The following KDM1A variants were observed in gnomAD, a reference collection of about 807,000 sequenced individuals.
The protein encoded by KDM1A is lysine-specific histone demethylase 1A.
KDM1A carries 49 observed loss-of-function variants against 109.4 expected under a neutral mutation model. The observed-to-expected ratio is 0.45, with a 90% confidence interval of 0.36 to 0.57. The LOEUF (loss-of-function observed/expected upper bound fraction) is 0.57. Ranked by LOEUF, KDM1A falls within the 20% of genes least tolerant of loss-of-function variation. KDM1A has a pLI of 0.00. For synonymous variants in KDM1A, 380 were observed against 415.4 expected, an observed-to-expected ratio of 0.91 and a Z score of 1.04; for missense variants, 668 against 1,116.6, an observed-to-expected ratio of 0.60 and a Z score of 5.73.
chr1:23,049,026 C>T (rs560010871), intron 3 of KDM1A, among the ~76,000 whole-genome samples: 22 of 151,860 alleles, frequency 1.4e-4, no homozygotes, highest in African/African-American at 5.1e-4. Context: ...GTGGTGCATG[C>T]CTGTAGTCCC....
chr1:23,081,183 G>C, intron 18 of KDM1A: 1 of 394,128 alleles, frequency 2.5e-6, no homozygotes, highest in Non-Finnish European at 4.6e-6. Context: ...CTTCAGAACT[G>C]CTGTATTTTG....
chr1:23,041,435 C>CTTTTTTTTTTTTTTTTTTTTTTTTTT (rs66720696), intron 2 of KDM1A, among the ~76,000 whole-genome samples: 1 of 53,006 alleles, frequency 1.9e-5, no homozygotes, highest in Non-Finnish European at 3.2e-5. Flanking sequence ...TCTTTTCTTG[C>CTTTTTTTTTTTTTTTTTTTTTTTTTT]TTTTTTTTTT....
intron 1 of KDM1A, among the ~76,000 whole-genome samples, chr1:23,028,078 A>C (rs1372952922): frequency 6.6e-6 from 1 of 152,080 alleles, no homozygotes; most frequent in Non-Finnish European, 1.5e-5. Context: ...ATTCCTTGTT[A>C]ATTATTTCTT....
chr1:23,045,172 C>T (rs998668244), intron 3 of KDM1A, among the ~76,000 whole-genome samples: 3 of 152,196 alleles, frequency 2.0e-5, no homozygotes, highest in Non-Finnish European at 4.4e-5. Context: ...AATAACGTAT[C>T]TGGATTTCAT....
At chr1:23,025,402 C>T (rs1003433535) in intron 1 of KDM1A, among the ~76,000 whole-genome samples, 2 of 149,408 alleles carry the variant, frequency 1.3e-5, no homozygotes, top group African/African-American at 2.5e-5. Flanking sequence ...GTGATCTTGG[C>T]TCATTGCAAC....
chr1:23,081,996 G>GTGGTC, intron 19 of KDM1A: 1 of 512,974 alleles, frequency 1.9e-6, no homozygotes, highest in African/African-American at 2.0e-5. Flanking sequence ...GTAGATCTCT[G>GTGGTC]GATTCATAGA....
chr1:23,038,254 TTGTGTGTGTGTGTGTGTG>T lies in KDM1A; in HGVS notation c.518-6153_518-6136del, dbSNP rs56016343. Among the ~76,000 whole-genome samples the T allele has an allele frequency of 3.4e-5, 5 of 149,208 alleles. No individual in the cohort carries two copies. The East Asian group carries it at 5.9e-4, about 18-fold the overall frequency. On this transcript the variant is annotated intron_variant, in intron 2 of 20. Coordinates refer to ENST00000400181, the MANE Select transcript of KDM1A (RefSeq NM_001009999.3). Reference sequence around the variant, plus strand: ...TAACTTTTTAAGCATCTGGAACTGTTTGTGTGTGTGTGTGTGTGTGTGTGTGTGTGTGTGTGTAAAACT... The same window carrying T: ...TAACTTTTTAAGCATCTGGAACTGTTTGTGTGTGTGTGTGTGTGTAAAACT...
At chr1:23,072,760 C>T (rs1352471047) in intron 14 of KDM1A, among the ~76,000 whole-genome samples, 2 of 152,164 alleles carry the variant, frequency 1.3e-5, no homozygotes, top group African/African-American at 4.8e-5. Flanking sequence ...ATTCTCTTGC[C>T]TCAGCCTCCT....
At chr1:23,052,190 G>T (rs751508179) in intron 4 of KDM1A, among the ~76,000 whole-genome samples, 1 of 152,204 alleles carries the variant, frequency 6.6e-6, no homozygotes, top group African/African-American at 2.4e-5. Flanking sequence ...TAGATTTGTG[G>T]TCTCTGGCTG....
chr1:23,063,222 GT>G lies in KDM1A; in HGVS notation c.1168-2837del, dbSNP rs1557569907. Reference sequence around the variant, plus strand: ...GGGGGGGGGGTGTGGTGTGGGGTGGGTGTGTGTGGGTGTGTGTGTGTGTGTG... The same window carrying G: ...GGGGGGGGGGTGTGGTGTGGGGTGGGGTGTGTGGGTGTGTGTGTGTGTGTG... On this transcript the variant is annotated intron_variant, in intron 9 of 20. Coordinates refer to ENST00000400181, the MANE Select transcript of KDM1A (RefSeq NM_001009999.3). Among the ~76,000 whole-genome samples, 148 of 89,224 alleles carry G rather than the reference GT, an allele frequency of 1.7e-3. 1 individual carries two copies. The highest frequency in any genetic ancestry group is 2.4e-3 in the Non-Finnish European group (104 of 43,470). 58.5% of individuals were successfully genotyped at this position (89,224 alleles called of 152,430 possible).
chr1:23,039,308 T>C (rs1642239071), intron 2 of KDM1A, among the ~76,000 whole-genome samples: 1 of 152,204 alleles, frequency 6.6e-6, no homozygotes, highest in Admixed American at 6.5e-5. Context: ...AAGTCATGCA[T>C]CTTACTGTGC....
chr1:23,023,440 A>G (rs1038990936), intron 1 of KDM1A, among the ~76,000 whole-genome samples: 7 of 152,206 alleles, frequency 4.6e-5, no homozygotes, highest in African/African-American at 1.7e-4. Context: ...TTGTCCCAGC[A>G]CAGTTTATTG....
intron 14 of KDM1A, among the ~76,000 whole-genome samples, chr1:23,072,486 G>C (rs1002583044): frequency 2.0e-5 from 3 of 152,140 alleles, no homozygotes; most frequent in African/African-American, 4.8e-5. Flanking sequence ...TTCTTGAGAG[G>C]GTAGAAGTTG....
At chr1:23,021,980 T>G (rs150830092) in intron 1 of KDM1A, among the ~76,000 whole-genome samples, 22 of 152,372 alleles carry the variant, frequency 1.4e-4, no homozygotes, top group African/African-American at 5.0e-4. Flanking sequence ...TCATTCACGT[T>G]GTAGTGCTTT....
chr1:23,033,973 A>G (rs1438720207), intron 2 of KDM1A, among the ~76,000 whole-genome samples: 2 of 152,214 alleles, frequency 1.3e-5, no homozygotes, highest in Non-Finnish European at 2.9e-5. Context: ...TGTTCTTAAT[A>G]TCAAAGTTGA....
chr1:23,068,075 T>C lies in KDM1A; in HGVS notation c.1180-464T>C, dbSNP rs78066989. Among the ~76,000 whole-genome samples, 929 of 152,298 alleles carry C rather than the reference T, an allele frequency of 6.1e-3. 9 individuals carry two copies. The highest frequency in any genetic ancestry group is 0.02 in the African/African-American group (848 of 41,566). ...CCCTCTTCCCACCTGAGATTCATCT[T>C]TGAGGGGAAGCCAGATACCTTGGGC... On this transcript the variant is annotated intron_variant, in intron 10 of 20. Coordinates refer to ENST00000400181, the MANE Select transcript of KDM1A (RefSeq NM_001009999.3).
chr1:23,047,992 A>G (rs1642551062), intron 3 of KDM1A, among the ~76,000 whole-genome samples: 1 of 152,220 alleles, frequency 6.6e-6, no homozygotes, highest in South Asian at 2.1e-4. Context: ...CTGTCATTGA[A>G]AAATAGTATT....
chr1:23,075,297 G>A (rs745731075), intron 15 of KDM1A, among the ~76,000 whole-genome samples: 2 of 152,206 alleles, frequency 1.3e-5, no homozygotes, highest in Admixed American at 1.3e-4. Flanking sequence ...AATTAAGACT[G>A]TATAGGCTGG....
At chr1:23,080,453 T>C (rs910954536) in intron 18 of KDM1A, among the ~76,000 whole-genome samples, 2 of 152,244 alleles carry the variant, frequency 1.3e-5, no homozygotes, top group African/African-American at 4.8e-5. Flanking sequence ...TTCTTACCTG[T>C]TGCCTGGACG....
Sources: allele counts gnomAD v4.1 joint callset (sites outside exome capture counted in the v4.1 genomes callset), GRCh38; gene constraint gnomAD v4.1.1; transcripts MANE v1.5; gene names NCBI Gene and HGNC (gene_info 2026-07-23, HGNC 2026-07-21).